ADAMTSL1: variants seen among roughly 807,000 people sequenced by gnomAD.
The protein encoded by ADAMTSL1 is ADAMTS like 1, also known as ADAMTS-like protein 1.
Under a neutral mutation model 201.8 loss-of-function variants are expected in ADAMTSL1, and 126 were observed. The ratio of observed to expected loss-of-function variants is 0.62; its 90% CI spans 0.54 to 0.72. The LOEUF (loss-of-function observed/expected upper bound fraction) is 0.72, where lower values mean the gene tolerates loss of function less well. ADAMTSL1 is among the 30% of genes least tolerant of loss of function. ADAMTSL1 has a pLI of 0.00. For synonymous variants in ADAMTSL1, 1,121 were observed against 903.4 expected (o/e 1.24, Z -4.32); for missense variants, 2,679 against 2,277.8 (o/e 1.18, Z -3.59).
At position 18,385,486 on chromosome 9, in the gene ADAMTSL1, C is replaced by T. The variant is rs562392784; in HGVS notation, c.208-119343C>T. On this transcript the variant is annotated intron_variant, in intron 2 of 29. Coordinates refer to the ADAMTSL1 transcript ENST00000680146. ...CTCCTTGAGATTATTTCAAACAGTA[C>T]GTTAGTCATAAAGAATTTTTAAACA... Among the ~76,000 whole-genome samples, 28 of 152,196 alleles carry T rather than the reference C, an allele frequency of 1.8e-4. No individual in the cohort carries two copies. The East Asian group carries it at 2.1e-3, about 12-fold the overall frequency.
chr9:18,471,778 T>C (rs919190356), upstream of ADAMTSL1, among the ~76,000 whole-genome samples: 12 of 152,192 alleles, frequency 7.9e-5, no homozygotes, highest in African/African-American at 1.4e-4. Context: ...TTTAAAATAG[T>C]ATATTATTCG....
intron 15 of ADAMTSL1, among the ~76,000 whole-genome samples, chr9:18,749,178 A>G (rs1209103570): frequency 6.6e-6 from 1 of 152,222 alleles, no homozygotes; most frequent in African/African-American, 2.4e-5. Flanking sequence ...ACTAAGGGTT[A>G]GGACTCCAAC....
At chr9:18,642,391 A>G (rs890764575) in intron 7 of ADAMTSL1, among the ~76,000 whole-genome samples, 13 of 152,064 alleles carry the variant, frequency 8.5e-5, no homozygotes, top group Non-Finnish European at 2.9e-5. Flanking sequence ...GAACTGAGCT[A>G]ATTAACATAT....
chr9:18,095,563 C>G (rs193190613), intron 1 of ADAMTSL1, among the ~76,000 whole-genome samples: 63 of 152,018 alleles, frequency 4.1e-4, no homozygotes, highest in African/African-American at 1.3e-3. Context: ...GCTGGGATTA[C>G]AGGCACATGC....
chr9:18,520,152 G>T (rs1818606942), intron 2 of ADAMTSL1, among the ~76,000 whole-genome samples: 1 of 152,168 alleles, frequency 6.6e-6, no homozygotes, highest in Admixed American at 6.5e-5. Flanking sequence ...TCTCATGTGG[G>T]TCTAAATTTT....
At chr9:17,921,214 C>G (rs139506271) in intron 1 of ADAMTSL1, among the ~76,000 whole-genome samples, 1 of 152,038 alleles carries the variant, frequency 6.6e-6, no homozygotes, top group Admixed American at 6.6e-5. Flanking sequence ...GTTAAATTTA[C>G]GTAGATTTTG....
chr9:17,972,727 A>C (rs1818263509), intron 1 of ADAMTSL1, among the ~76,000 whole-genome samples: 2 of 150,332 alleles, frequency 1.3e-5, no homozygotes, highest in South Asian at 4.3e-4. Flanking sequence ...TAGATCCCTG[A>C]GGAATTGCCA....
chr9:17,997,391 T>C (rs1484251758), intron 1 of ADAMTSL1, among the ~76,000 whole-genome samples: 1 of 152,094 alleles, frequency 6.6e-6, no homozygotes, highest in African/African-American at 2.4e-5. Context: ...AATTGTTGTG[T>C]TGTATATATG....
chr9:18,789,386 A>G (rs1821895309), intron 19 of ADAMTSL1, among the ~76,000 whole-genome samples: 1 of 152,198 alleles, frequency 6.6e-6, no homozygotes, highest in Admixed American at 6.5e-5. Flanking sequence ...TACTTGCCCA[A>G]GGCTACAGAG....
intron 2 of ADAMTSL1, among the ~76,000 whole-genome samples, chr9:18,241,994 C>G (rs780298981): frequency 6.6e-6 from 1 of 152,018 alleles, no homozygotes; most frequent in Non-Finnish European, 1.5e-5. Flanking sequence ...AGGGGGAGTA[C>G]TTCCTAACAC....
At chr9:18,317,864 T>C (rs1311388398) in intron 2 of ADAMTSL1, among the ~76,000 whole-genome samples, 1 of 152,178 alleles carries the variant, frequency 6.6e-6, no homozygotes. Flanking sequence ...AGCTGAATTT[T>C]CCTCTAATCC....
chr9:18,010,679 G>A (rs924846508), intron 1 of ADAMTSL1, among the ~76,000 whole-genome samples: 2 of 151,936 alleles, frequency 1.3e-5, no homozygotes, highest in African/African-American at 4.8e-5. Context: ...TAAGAGAGTG[G>A]GTGGAGAGCT....
chr9:18,591,200 C>G lies in ADAMTSL1; in HGVS notation c.474+16934C>G, dbSNP rs573544124. 2.0e-5 allele frequency among the ~76,000 whole-genome samples: 3 copies of G among 152,234 alleles called. No homozygotes were observed. In the East Asian group the frequency reaches 5.8e-4, roughly 29 times the overall value. ...AATTTGCTTTATATATTTGGATGTGCTAGTGTTGGGTGCATATATATTTAC... is the reference window on the plus strand; with the variant it reads ...AATTTGCTTTATATATTTGGATGTGGTAGTGTTGGGTGCATATATATTTAC... On this transcript the variant is annotated intron_variant, in intron 4 of 28. Transcript: ENST00000380548.
intron 4 of ADAMTSL1, among the ~76,000 whole-genome samples, chr9:18,605,489 G>A (rs1273684162): frequency 2.0e-5 from 3 of 152,194 alleles, no homozygotes; most frequent in Non-Finnish European, 4.4e-5. Context: ...AATCTTGACA[G>A]TCTACACATT....
chr9:18,046,259 T>C (rs1429352075), intron 1 of ADAMTSL1, among the ~76,000 whole-genome samples: 1 of 152,184 alleles, frequency 6.6e-6, no homozygotes, highest in Non-Finnish European at 1.5e-5. Context: ...CAGCAAGTTG[T>C]TTCAGTCTTG....
chr9:18,116,313 G>T (rs910531580), intron 1 of ADAMTSL1, among the ~76,000 whole-genome samples: 2 of 152,166 alleles, frequency 1.3e-5, no homozygotes, highest in African/African-American at 4.8e-5. Flanking sequence ...GAAGCAGAAA[G>T]TCAGGATGTG....
At chr9:18,666,457 A>T (rs1318250937) in intron 9 of ADAMTSL1, among the ~76,000 whole-genome samples, 1 of 152,192 alleles carries the variant, frequency 6.6e-6, no homozygotes, top group Non-Finnish European at 1.5e-5. Flanking sequence ...CCCAATGGGC[A>T]TTCCCAGAAG....
chr9:17,977,857 A>T (rs1339949508), intron 1 of ADAMTSL1, among the ~76,000 whole-genome samples: 1 of 152,114 alleles, frequency 6.6e-6, no homozygotes, highest in South Asian at 2.1e-4. Context: ...TCTAAAGCAT[A>T]GTTCAAATCC....
At chr9:18,210,376 C>T (rs1265440073) in intron 2 of ADAMTSL1, among the ~76,000 whole-genome samples, 2 of 127,612 alleles carry the variant, frequency 1.6e-5, no homozygotes, top group Non-Finnish European at 3.2e-5. Context: ...AGTCAAAGAA[C>T]ACACACATAT....
Sources: gnomAD v4.1 joint callset for allele counts (sites outside exome capture counted in the v4.1 genomes callset) on GRCh38, gnomAD v4.1.1 for gene constraint, MANE v1.5 for transcripts, NCBI Gene and HGNC (gene_info 2026-07-23, HGNC 2026-07-21) for gene names.